Variants in SNX7 observed in about 807,000 individuals in gnomAD.
SNX7 encodes sorting nexin-7.
A neutral mutation model predicts 48.4 loss-of-function variants in SNX7; 35 were observed. That is an observed-to-expected ratio of 0.72 (90% confidence interval 0.55 to 0.96). The LOEUF is 0.96. SNX7 is among the 40% of genes least tolerant of loss of function. The pLI is 0.00. For missense variants in SNX7, 553 were observed against 548.9 expected (o/e 1.01, Z -0.07); for synonymous variants, 190 against 190.2 (o/e 1.00, Z 0.01).
chr1:98,687,835 T>A (rs186947850), intron 2 of SNX7, among the ~76,000 whole-genome samples: 22 of 152,222 alleles, frequency 1.4e-4, no homozygotes, highest in African/African-American at 5.1e-4. Context: ...AGACACATCT[T>A]ACATGGAAGC....
Position 98,698,741 on chromosome 1 carries a change from C to T in SNX7, c.874C>T (p.His292Tyr). Reference sequence around the variant, plus strand: ...TGAAATGAAAGAATATGGCCCAATTCATATTCTGTGGTCAGCGTCAGAAGA... The same window carrying T: ...TGAAATGAAAGAATATGGCCCAATTTATATTCTGTGGTCAGCGTCAGAAGA... The part of the protein sequence containing the change: ...FDEMKEYGPI[H>Y]ILWSASEEDL... The change falls in exon 6 of 9, where the codon CAT (histidine) becomes TAT (tyrosine). Residue 292 changes from histidine to tyrosine, a missense_variant. His to Tyr is a moderately conservative substitution (Grantham distance 83). Transcript: ENST00000306121. 1 of 1,610,570 alleles carries T rather than the reference C, an allele frequency of 6.2e-7. No individual in the cohort carries two copies. Among genetic ancestry groups the T allele is most frequent in the Non-Finnish European group, 8.5e-7 (1 of 1,178,404 alleles).
chr1:98,758,957 A>T (rs1178585613), intron 8 of SNX7, among the ~76,000 whole-genome samples: 3 of 152,060 alleles, frequency 2.0e-5, no homozygotes, highest in Non-Finnish European at 4.4e-5. Context: ...ACACATAAGT[A>T]TATACATACA....
intron 8 of SNX7, among the ~76,000 whole-genome samples, chr1:98,742,856 T>C (rs1654138544): frequency 6.6e-6 from 1 of 152,040 alleles, no homozygotes; most frequent in African/African-American, 2.4e-5. Flanking sequence ...ACTTATTTTG[T>C]GTCACAATGA....
chr1:98,661,855 C>G lies in SNX7; in HGVS notation c.124C>G (p.Gln42Glu). 1 of 1,246,702 alleles carries G rather than the reference C, an allele frequency of 8.0e-7. No individual in the cohort carries two copies. The highest frequency in any genetic ancestry group is 1.0e-6 in the Non-Finnish European group (1 of 987,406). 77.2% of individuals were successfully genotyped at this position (1,246,702 alleles called of 1,614,324 possible). ...CAGCAGTGGCTCTTCCGCCCTGCTG[C>G]AGGCGGAGGTGCTGGATCTGGACGA... is the stretch of plus-strand genomic sequence containing the variant. ...PGSSGSSALL[Q>E]AEVLDLDEDE... The change falls in exon 1 of 9, where the codon CAG becomes GAG. Residue 42 changes from glutamine (Q) to glutamate (E), a missense_variant. Transcript: ENST00000306121.
At chr1:98,663,196 TG>T (rs1327538250) in intron 1 of SNX7, among the ~76,000 whole-genome samples, 2 of 151,242 alleles carry the variant, frequency 1.3e-5, no homozygotes, top group Admixed American at 6.6e-5. Flanking sequence ...TGTGAAACTT[TG>T]GGATGGGATG....
intron 2 of SNX7, among the ~76,000 whole-genome samples, chr1:98,686,912 C>T (rs1464826959): frequency 6.6e-6 from 1 of 152,080 alleles, no homozygotes; most frequent in Admixed American, 6.5e-5. Flanking sequence ...TTGCGTCTCT[C>T]AGAAAGACAC....
chr1:98,679,933 T>G (rs1650384494), intron 1 of SNX7, among the ~76,000 whole-genome samples: 1 of 152,200 alleles, frequency 6.6e-6, no homozygotes, highest in Admixed American at 6.5e-5. Flanking sequence ...TGGAGGATGA[T>G]GGCCCTCTTC....
At chr1:98,723,771 T>C (rs1480083909) in intron 7 of SNX7, among the ~76,000 whole-genome samples, 1 of 124,528 alleles carries the variant, frequency 8.0e-6, no homozygotes, top group Admixed American at 8.3e-5. Flanking sequence ...GCAGGAGAAT[T>C]GCTTGATTGA....
intron 5 of SNX7, among the ~76,000 whole-genome samples, chr1:98,696,966 G>A (rs1651490154): frequency 6.6e-6 from 1 of 152,074 alleles, no homozygotes; most frequent in African/African-American, 2.4e-5. Flanking sequence ...AAATTACAGT[G>A]CAGCTAACTA....
At chr1:98,697,095 G>T (rs1326504453) in intron 5 of SNX7, among the ~76,000 whole-genome samples, 1 of 151,958 alleles carries the variant, frequency 6.6e-6, no homozygotes, top group Non-Finnish European at 1.5e-5. Flanking sequence ...CATATATTGA[G>T]AAAATGAGAA....
intron 8 of SNX7, among the ~76,000 whole-genome samples, chr1:98,747,167 T>A (rs182785317): frequency 6.6e-4 from 101 of 152,278 alleles, no homozygotes; most frequent in African/African-American, 2.4e-3. Flanking sequence ...TATGTGCTTG[T>A]ATGGTTGTGA....
intron 7 of SNX7, among the ~76,000 whole-genome samples, chr1:98,737,244 C>G (rs1653828338): frequency 6.6e-6 from 1 of 152,098 alleles, no homozygotes; most frequent in Non-Finnish European, 1.5e-5. Context: ...GATATTTATT[C>G]AAGTCATACT....
intron 8 of SNX7, among the ~76,000 whole-genome samples, chr1:98,748,347 T>A (rs1314679855): frequency 6.6e-6 from 1 of 152,040 alleles, no homozygotes; most frequent in East Asian, 1.9e-4. Context: ...CTATATTCTG[T>A]AATGTAATTT....
intron 7 of SNX7, among the ~76,000 whole-genome samples, chr1:98,731,664 G>T (rs960277073): frequency 6.6e-6 from 1 of 152,078 alleles, no homozygotes; most frequent in Non-Finnish European, 1.5e-5. Context: ...GCTCTGTGGT[G>T]TAGCCTGTTG....
intron 1 of SNX7, among the ~76,000 whole-genome samples, chr1:98,667,918 AAC>A (rs1251368249): frequency 2.6e-5 from 4 of 151,762 alleles, no homozygotes; most frequent in Admixed American, 2.0e-4. Context: ...GGAAAAAAAA[AAC>A]AAAAAAAACA....
At chr1:98,752,763 TC>T (rs1416010314) in intron 8 of SNX7, among the ~76,000 whole-genome samples, 1 of 152,068 alleles carries the variant, frequency 6.6e-6, no homozygotes, top group Non-Finnish European at 1.5e-5. Context: ...ATAGATCTGT[TC>T]CTAGAAATAT....
At chr1:98,756,422 G>GT (rs35117249) in intron 8 of SNX7, among the ~76,000 whole-genome samples, 10,404 of 54,204 alleles carry the variant, frequency 0.19, 1,228 homozygotes, top group East Asian at 0.48. Context: ...TGCCAGATGA[G>GT]TTTTTTTTTT....
At chr1:98,720,363 A>T (rs1004713403) in intron 7 of SNX7, among the ~76,000 whole-genome samples, 4 of 152,140 alleles carry the variant, frequency 2.6e-5, no homozygotes, top group African/African-American at 9.7e-5. Flanking sequence ...CCATTAATTG[A>T]ATTTGCCTCA....
At position 98,680,949 on chromosome 1, in the gene SNX7, A is replaced by G. The variant is rs186481873; in HGVS notation, c.181-3936A>G. On this transcript the variant is annotated intron_variant, in intron 1 of 8. Transcript: ENST00000306121. ...CAAAGTTGCTTCCACATTTTCAGGT[A>G]TCTTTTCAGCAGTGCCCCACTCTTA... is the stretch of plus-strand genomic sequence containing the variant. 3.9e-5 allele frequency among the ~76,000 whole-genome samples: 6 copies of G among 152,336 alleles called. No individual in the cohort carries two copies. In the East Asian group the frequency reaches 1.2e-3, roughly 29 times the overall value.
Sources: gnomAD v4.1 joint callset for allele counts (sites outside exome capture counted in the v4.1 genomes callset) on GRCh38, gnomAD v4.1.1 for gene constraint, MANE v1.5 for transcripts, NCBI Gene and HGNC (gene_info 2026-07-23, HGNC 2026-07-21) for gene names.